Variants in MRTFA observed in about 807,000 individuals in gnomAD.
The protein encoded by MRTFA is myocardin related transcription factor A, also known as myocardin-related transcription factor A.
Under a neutral mutation model 83.5 loss-of-function variants are expected in MRTFA, and 20 were observed. That is an observed-to-expected ratio of 0.24 (90% CI 0.17 to 0.35). The LOEUF (loss-of-function observed/expected upper bound fraction) is 0.35, where lower values mean the gene tolerates loss of function less well. Ranked by LOEUF, MRTFA falls within the 10% of genes least tolerant of loss-of-function variation. MRTFA has a pLI of 1.00. For missense variants in MRTFA, 1,200 were observed against 1,224.7 expected (o/e 0.98, Z 0.30); for synonymous variants, 659 against 541.2 (o/e 1.22, Z -3.02).
At chr22:40,486,797 C>T (rs1389615079) in intron 3 of MRTFA, among the ~76,000 whole-genome samples, 2 of 152,076 alleles carry the variant, frequency 1.3e-5, no homozygotes, top group Non-Finnish European at 2.9e-5. Flanking sequence ...CTGGGCAACA[C>T]GGCAAAACCC....
At chr22:40,429,828 G>A in intron 6 of MRTFA, 61 bp from the exon 7 acceptor site, 1 of 1,514,670 alleles carries the variant, frequency 6.6e-7, no homozygotes, top group Non-Finnish European at 8.9e-7. Flanking sequence ...TCTGCCCCGG[G>A]AACTCCAGAG....
At chr22:40,605,534 GA>G (rs2056310210) in intron 1 of MRTFA, among the ~76,000 whole-genome samples, 1 of 152,182 alleles carries the variant, frequency 6.6e-6, no homozygotes, top group African/African-American at 2.4e-5. Flanking sequence ...AAGCACAATG[GA>G]AAAACCACCG....
At chr22:40,560,515 T>C (rs538618989) in intron 2 of MRTFA, among the ~76,000 whole-genome samples, 1 of 152,268 alleles carries the variant, frequency 6.6e-6, no homozygotes, top group Non-Finnish European at 1.5e-5. Context: ...GACCCAAAAA[T>C]GTTGAGGTAT....
chr22:40,428,524 T>C (rs1345668667), intron 7 of MRTFA, among the ~76,000 whole-genome samples: 2 of 152,168 alleles, frequency 1.3e-5, no homozygotes, highest in Non-Finnish European at 2.9e-5. Context: ...CACCTCGTTT[T>C]TGTTTTTGAG....
intron 3 of MRTFA, among the ~76,000 whole-genome samples, chr22:40,533,155 G>T (rs1382660420): frequency 6.6e-6 from 1 of 151,970 alleles, no homozygotes; most frequent in Non-Finnish European, 1.5e-5. Flanking sequence ...GTACAGAAAG[G>T]TTATACCACA....
intron 3 of MRTFA, among the ~76,000 whole-genome samples, chr22:40,471,481 G>A (rs773957092): frequency 1.3e-5 from 2 of 152,102 alleles, no homozygotes; most frequent in Non-Finnish European, 2.9e-5. Context: ...GAAAGAAATA[G>A]AACATCGGAA....
chr22:40,483,520 C>T (rs1279833728), intron 3 of MRTFA, among the ~76,000 whole-genome samples: 8 of 151,400 alleles, frequency 5.3e-5, no homozygotes, highest in Non-Finnish European at 1.0e-4. Flanking sequence ...CCCATCTCTA[C>T]TAAAAATACA....
intron 3 of MRTFA, among the ~76,000 whole-genome samples, chr22:40,494,577 A>C (rs1170131912): frequency 6.6e-6 from 1 of 151,916 alleles, no homozygotes; most frequent in African/African-American, 2.4e-5. Flanking sequence ...GCTACTCAGG[A>C]GGCTAAGGTA....
chr22:40,424,452 C>CG, intron 7 of MRTFA, 71 bp from the exon 8 acceptor site: 1 of 1,518,150 alleles, frequency 6.6e-7, no homozygotes, highest in Non-Finnish European at 8.9e-7. Context: ...AGGCCTGGCT[C>CG]GCAGGCCACA....
At chr22:40,534,856 A>C (rs927915204) in intron 3 of MRTFA, among the ~76,000 whole-genome samples, 1 of 152,224 alleles carries the variant, frequency 6.6e-6, no homozygotes, top group Non-Finnish European at 1.5e-5. Flanking sequence ...AGCCCAGCGA[A>C]TACCTTAATG....
intron 2 of MRTFA, chr22:40,569,849 C>A (rs1046962947): frequency 6.5e-6 from 1 of 153,140 alleles, no homozygotes; most frequent in African/African-American, 2.4e-5. Context: ...ATACCCTGGG[C>A]CTCAGCCTGG....
At position 40,463,198 on chromosome 22, in the gene MRTFA, T is replaced by C. The variant is rs1244278169; in HGVS notation, c.307+23A>G. 5.0e-6 allele frequency: 8 copies of C among 1,608,698 alleles called. No individual in the cohort carries two copies. The African/African-American group carries it at 1.1e-4, about 22-fold the overall frequency. Reference sequence around the variant, plus strand: ...CATGTCCTAAAAGCAATCTACCAAATGCTGAGAGAGAGAGGCACTTACGCG... The same window carrying C: ...CATGTCCTAAAAGCAATCTACCAAACGCTGAGAGAGAGAGGCACTTACGCG... On this transcript the variant is annotated intron_variant, in intron 4 of 14. Transcript: ENST00000355630.
chr22:40,499,914 C>CTTTTTTTT (rs72041822), intron 3 of MRTFA, among the ~76,000 whole-genome samples: 33 of 84,956 alleles, frequency 3.9e-4, no homozygotes, highest in African/African-American at 1.2e-3. Flanking sequence ...TCAAGTAGAC[C>CTTTTTTTT]TTTTTTTTTT....
At chr22:40,454,183 C>G (rs2053544672) in intron 4 of MRTFA, among the ~76,000 whole-genome samples, 2 of 152,194 alleles carry the variant, frequency 1.3e-5, no homozygotes, top group South Asian at 4.1e-4. Flanking sequence ...GTTGCCCAGG[C>G]TAGAGTGCAG....
intron 3 of MRTFA, among the ~76,000 whole-genome samples, chr22:40,506,159 G>A (rs927680335): frequency 4.6e-5 from 7 of 152,242 alleles, no homozygotes; most frequent in African/African-American, 1.2e-4. Flanking sequence ...GTGTGAACCC[G>A]GGAGGCGGAG....
At chr22:40,539,229 G>A (rs2055245205) in intron 3 of MRTFA, among the ~76,000 whole-genome samples, 1 of 151,556 alleles carries the variant, frequency 6.6e-6, no homozygotes, top group African/African-American at 2.4e-5. Flanking sequence ...TGAACTCCTG[G>A]CCTCAAGTGA....
intron 1 of MRTFA, among the ~76,000 whole-genome samples, chr22:40,621,064 C>A (rs1387289905): frequency 1.3e-5 from 2 of 151,758 alleles, no homozygotes; most frequent in Admixed American, 1.3e-4. Flanking sequence ...GCCTGTAGCC[C>A]CAGCTACTCA....
chr22:40,559,114 C>T (rs1057309522), intron 2 of MRTFA, among the ~76,000 whole-genome samples: 10 of 152,228 alleles, frequency 6.6e-5, no homozygotes, highest in African/African-American at 1.2e-4. Context: ...TTCACCCAGG[C>T]GCGATGGCTC....
chr22:40,479,794 T>C (rs530560246), intron 3 of MRTFA, among the ~76,000 whole-genome samples: 10 of 152,290 alleles, frequency 6.6e-5, no homozygotes, highest in Admixed American at 3.9e-4. Context: ...AAAACACCTG[T>C]AGTCTCAAAC....
Sources: allele counts gnomAD v4.1 joint callset (sites outside exome capture counted in the v4.1 genomes callset), GRCh38; gene constraint gnomAD v4.1.1; transcripts MANE v1.5; gene names NCBI Gene and HGNC (gene_info 2026-07-23, HGNC 2026-07-21).